The following MAML2 variants were observed in gnomAD, a reference collection of about 807,000 sequenced individuals.
MAML2 encodes the protein mastermind like transcriptional coactivator 2, also known as mastermind-like protein 2.
A neutral mutation model predicts 96.1 loss-of-function variants in MAML2; 22 were observed. That is an observed-to-expected ratio of 0.23 (90% CI 0.16 to 0.33). The LOEUF is 0.33. Ranked by LOEUF, MAML2 falls within the 10% of genes least tolerant of loss-of-function variation. The pLI, the probability that MAML2 is intolerant of heterozygous loss-of-function variation, is 1.00. For missense variants in MAML2, 1,367 were observed against 1,392.4 expected (o/e 0.98, Z 0.29); for synonymous variants, 561 against 521.3 (o/e 1.08, Z -1.04).
intron 2 of MAML2, among the ~76,000 whole-genome samples, chr11:96,023,281 C>T (rs770527467): frequency 4.6e-5 from 7 of 152,212 alleles, no homozygotes; most frequent in African/African-American, 7.2e-5. Flanking sequence ...AAGCTGCAGA[C>T]GGCATTGTTG....
chr11:96,135,448 T>C (rs1016423612), intron 1 of MAML2, among the ~76,000 whole-genome samples: 1 of 152,012 alleles, frequency 6.6e-6, no homozygotes, highest in Non-Finnish European at 1.5e-5. Flanking sequence ...CTTCTTATTA[T>C]TACACTTTTA....
At chr11:96,201,779 C>T (rs1178478868) in intron 1 of MAML2, among the ~76,000 whole-genome samples, 6 of 150,854 alleles carry the variant, frequency 4.0e-5, no homozygotes, top group African/African-American at 9.8e-5. Context: ...ATTAGCCCAG[C>T]GTGGTGGCGG....
chr11:96,025,538 A>G (rs1858503791), intron 2 of MAML2, among the ~76,000 whole-genome samples: 1 of 152,194 alleles, frequency 6.6e-6, no homozygotes, highest in Non-Finnish European at 1.5e-5. Context: ...CACTGAATCT[A>G]AAATAAAAGT....
At chr11:96,039,184 G>A (rs1858765286) in intron 2 of MAML2, among the ~76,000 whole-genome samples, 1 of 152,090 alleles carries the variant, frequency 6.6e-6, no homozygotes, top group Admixed American at 6.5e-5. Flanking sequence ...GAGCCTAGGA[G>A]GTTGAGGTTT....
At chr11:96,059,712 A>G (rs1297323612) in intron 2 of MAML2, among the ~76,000 whole-genome samples, 1 of 152,234 alleles carries the variant, frequency 6.6e-6, no homozygotes, top group African/African-American at 2.4e-5. Flanking sequence ...TTTGAACATC[A>G]TGTCGGCACT....
rs1861878589 is a variant in MAML2 at position 96,205,127 on chromosome 11, C to A, written c.514-111610G>T. On this transcript the variant is annotated intron_variant, in intron 1 of 4. Coordinates refer to ENST00000524717, the MANE Select transcript of MAML2 (RefSeq NM_032427.4). ...GATGTCAACATGGTGAAATGCATAACCATATGGTTGCCACATAATTGAATG... is the reference window on the plus strand; with the variant it reads ...GATGTCAACATGGTGAAATGCATAAACATATGGTTGCCACATAATTGAATG... Among the ~76,000 whole-genome samples the A allele has an allele frequency of 2.6e-5, 4 of 152,178 alleles. No individual in the cohort carries two copies. In the South Asian group the frequency reaches 8.3e-4, roughly 31 times the overall value.
chr11:96,241,164 TTACAG>T (rs1351581008), intron 1 of MAML2, among the ~76,000 whole-genome samples: 6 of 152,228 alleles, frequency 3.9e-5, no homozygotes, highest in Non-Finnish European at 8.8e-5. Flanking sequence ...CTTCAACAAC[TTACAG>T]TATTTTCACT....
chr11:96,108,485 A>G (rs1860062718), intron 1 of MAML2, among the ~76,000 whole-genome samples: 1 of 152,228 alleles, frequency 6.6e-6, no homozygotes, highest in South Asian at 2.1e-4. Flanking sequence ...CCTACTTACT[A>G]GTAGTGTGAC....
Position 96,091,920 on chromosome 11 carries a change from C to T in MAML2, c.2111G>A (p.Gly704Glu). The change falls in exon 2 of 5, where the codon GGA becomes GAA. Residue 704 changes from glycine to glutamate, a missense_variant. Coordinates refer to ENST00000524717, the MANE Select transcript of MAML2 (RefSeq NM_032427.4). Reference sequence around the variant, plus strand: ...TCTCTGTTGTTGGGAGACTTGGTATCCCATTCCTGCAATGGGCTGATTCTG... The same window carrying T: ...TCTCTGTTGTTGGGAGACTTGGTATTCCATTCCTGCAATGGGCTGATTCTG... ...QMQNQPIAGM[G>E]YQVSQQQRQD... The T allele has an allele frequency of 6.2e-7, 1 of 1,613,388 alleles. No homozygotes were observed. Among genetic ancestry groups the T allele is most frequent in the Admixed American group, 1.7e-5 (1 of 59,976 alleles).
At chr11:96,062,596 C>T (rs1859181337) in intron 2 of MAML2, among the ~76,000 whole-genome samples, 1 of 152,230 alleles carries the variant, frequency 6.6e-6, no homozygotes, top group South Asian at 2.1e-4. Flanking sequence ...ATGTAGAATC[C>T]AGTTAACAAA....
At position 96,093,384 on chromosome 11, in the gene MAML2, T is replaced by C. The variant is rs1242040150; in HGVS notation, c.647A>G (p.Gln216Arg). The C allele has an allele frequency of 6.2e-7, 1 of 1,613,922 alleles. No homozygotes were observed. The highest frequency in any genetic ancestry group is 1.3e-5 in the African/African-American group (1 of 74,942). ...TCCATTGTTTATTTGGAGGCCACCT[T>C]GTCCTGCAGAGAGATTCTCCCCAAC... ...IRVGENLSAG[Q>R]GGLQINNGQS... Residue 216 changes from glutamine to arginine, a missense_variant, in exon 2 of 5, where the codon CAA becomes CGA. Coordinates refer to ENST00000524717, the MANE Select transcript of MAML2 (RefSeq NM_032427.4).
chr11:96,147,829 G>A (rs1416171422), intron 1 of MAML2, among the ~76,000 whole-genome samples: 1 of 152,220 alleles, frequency 6.6e-6, no homozygotes, highest in East Asian at 1.9e-4. Flanking sequence ...TCGGAGCAAA[G>A]TATGCACTTG....
intron 2 of MAML2, among the ~76,000 whole-genome samples, chr11:96,068,438 T>TCA (rs10522513): frequency 0.068 from 8,135 of 120,280 alleles, 344 homozygotes; most frequent in South Asian, 0.11. Flanking sequence ...GGAGCTTACT[T>TCA]CACACACACA....
chr11:95,993,581 CAA>C (rs1443732694), intron 2 of MAML2, among the ~76,000 whole-genome samples: 1 of 152,058 alleles, frequency 6.6e-6, no homozygotes, highest in Non-Finnish European at 1.5e-5. Flanking sequence ...AAAACAAAAA[CAA>C]ACAAACAAAA....
At chr11:96,296,716 T>C (rs2135995243) in intron 1 of MAML2, among the ~76,000 whole-genome samples, 1 of 152,178 alleles carries the variant, frequency 6.6e-6, no homozygotes, top group African/African-American at 2.4e-5. Flanking sequence ...AAATTCCAAG[T>C]AATGTTTAAA....
chr11:96,080,990 T>G (rs983701706), intron 2 of MAML2, among the ~76,000 whole-genome samples: 1 of 152,116 alleles, frequency 6.6e-6, no homozygotes, highest in Non-Finnish European at 1.5e-5. Context: ...AATGGGCATT[T>G]TAATTATGCA....
At chr11:96,238,576 T>C (rs1862394157) in intron 1 of MAML2, among the ~76,000 whole-genome samples, 1 of 152,264 alleles carries the variant, frequency 6.6e-6, no homozygotes, top group Non-Finnish European at 1.5e-5. Context: ...CCTGGATCGA[T>C]AACTTTTTTC....
At chr11:96,335,355 C>G (rs917081490) in intron 1 of MAML2, among the ~76,000 whole-genome samples, 2 of 152,188 alleles carry the variant, frequency 1.3e-5, no homozygotes, top group African/African-American at 4.8e-5. Context: ...ATTTACACAT[C>G]AAGAGAGTAT....
chr11:96,027,302 A>G (rs981757104), intron 2 of MAML2, among the ~76,000 whole-genome samples: 15 of 152,236 alleles, frequency 9.9e-5, no homozygotes, highest in African/African-American at 3.6e-4. Flanking sequence ...TTCACATACA[A>G]TGCTGAGAAG....
Sources: allele counts gnomAD v4.1 joint callset (sites outside exome capture counted in the v4.1 genomes callset), GRCh38; gene constraint gnomAD v4.1.1; transcripts MANE v1.5; gene names NCBI Gene and HGNC (gene_info 2026-07-23, HGNC 2026-07-21).